Variants in HOMER2 observed in about 807,000 individuals in gnomAD.
HOMER2 encodes homer scaffold protein 2, also known as homer protein homolog 2.
Under a neutral mutation model 47.0 loss-of-function variants are expected in HOMER2, and 27 were observed. That is an observed-to-expected ratio of 0.57 (90% CI 0.42 to 0.79). The LOEUF (loss-of-function observed/expected upper bound fraction) is 0.79, where lower values mean the gene tolerates loss of function less well. HOMER2 is among the 30% of genes least tolerant of loss of function. HOMER2 has a pLI of 0.00. For missense variants in HOMER2, 443 were observed against 435.0 expected, an observed-to-expected ratio of 1.02 and a Z score of -0.16; for synonymous variants, 161 against 163.8, an observed-to-expected ratio of 0.98 and a Z score of 0.13.
At chr15:82,933,268 C>T (rs1264583549) in intron 1 of HOMER2, among the ~76,000 whole-genome samples, 1 of 152,142 alleles carries the variant, frequency 6.6e-6, no homozygotes, top group African/African-American at 2.4e-5. Flanking sequence ...GCTCTGTCAT[C>T]CAGGATGGAG....
chr15:82,860,956 T>TGTGAGAGAGAGAGAGAGAGAGAGAGAGA (rs1555420264), intron 4 of HOMER2, among the ~76,000 whole-genome samples: 7 of 42,382 alleles, frequency 1.7e-4, no homozygotes, highest in African/African-American at 5.8e-4. Context: ...AGATAGAAGA[T>TGTGAGAGAGAGAGAGAGAGAGAGAGAGA]GAGAGAGAGA....
chr15:82,965,870 G>A (rs2054670108), intron 1 of HOMER2, among the ~76,000 whole-genome samples: 2 of 151,998 alleles, frequency 1.3e-5, no homozygotes, highest in African/African-American at 2.4e-5. Flanking sequence ...CGAGATGGGA[G>A]GATCGCTTGA....
intron 2 of HOMER2, among the ~76,000 whole-genome samples, chr15:82,891,134 A>T (rs1286062584): frequency 6.6e-6 from 1 of 152,158 alleles, no homozygotes; most frequent in Non-Finnish European, 1.5e-5. Context: ...GAGGGAGATA[A>T]CACACTACCC....
chr15:82,923,021 C>A (rs1477568131), intron 1 of HOMER2, among the ~76,000 whole-genome samples: 1 of 152,180 alleles, frequency 6.6e-6, no homozygotes, highest in African/African-American at 2.4e-5. Flanking sequence ...CAACACCAGA[C>A]TGGGTTCTCT....
At chr15:82,867,472 A>C (rs937148803) in intron 3 of HOMER2, among the ~76,000 whole-genome samples, 1 of 152,216 alleles carries the variant, frequency 6.6e-6, no homozygotes, top group African/African-American at 2.4e-5. Context: ...GTATGGCAAG[A>C]GTTTGTACAA....
intron 1 of HOMER2, among the ~76,000 whole-genome samples, chr15:82,921,493 G>A (rs181082869): frequency 2.6e-5 from 4 of 152,268 alleles, no homozygotes; most frequent in African/African-American, 9.6e-5. Context: ...TACCCTGGAT[G>A]CACGCCAGAC....
At chr15:82,890,950 A>T (rs1391905992) in intron 2 of HOMER2, among the ~76,000 whole-genome samples, 1 of 152,168 alleles carries the variant, frequency 6.6e-6, no homozygotes, top group Admixed American at 6.5e-5. Flanking sequence ...GGAAAAAAAT[A>T]AAGGCACCTT....
upstream of HOMER2, chr15:82,985,959 C>G (rs1033929131): frequency 1.8e-6 from 1 of 566,250 alleles, no homozygotes; most frequent in East Asian, 1.5e-4. Flanking sequence ...CGTCTCTACC[C>G]GTCACCTGCT....
At chr15:82,983,445 A>C (rs2030464835) in intron 1 of HOMER2, among the ~76,000 whole-genome samples, 1 of 152,176 alleles carries the variant, frequency 6.6e-6, no homozygotes, top group Admixed American at 6.5e-5. Flanking sequence ...TTTCTCTTGA[A>C]TATTTCACCA....
At chr15:82,839,645 TAAC>T (rs2051156712) in exon 2 of HOMER2, 1 of 151,868 alleles carries the variant, frequency 6.6e-6, no homozygotes, top group Non-Finnish European at 1.5e-5. Context: ...ATTTGCCAAA[TAAC>T]ATCAAAAAGA....
rs147218983 is a variant in HOMER2, at chr15:82,852,487, C to CAG, written c.652-237_652-236dup. 8.3e-3 allele frequency: 3,610 copies of CAG among 436,114 alleles called. 18 individuals are homozygous for CAG. Among genetic ancestry groups the CAG allele is most frequent in the Non-Finnish European group, 0.011 (2,739 of 248,210 alleles). 27.0% of individuals were successfully genotyped at this position (436,114 alleles called of 1,614,324 possible). A position where few individuals can be genotyped will look rare whatever the true frequency, so the allele number is the denominator to read the frequency against. Reference sequence around the variant, plus strand: ...TGCCTTACCAGAGGCATCTTACCAGCAGAGCCAAATAAGTAATAAAGCCTG... The same window carrying CAG: ...TGCCTTACCAGAGGCATCTTACCAGCAGAGAGCCAAATAAGTAATAAAGCCTG... On this transcript the variant is annotated intron_variant, in intron 6 of 8. Coordinates refer to ENST00000450735, the MANE Select transcript of HOMER2 (RefSeq NM_004839.4).
intron 1 of HOMER2, among the ~76,000 whole-genome samples, chr15:82,919,390 G>A (rs1294029460): frequency 6.6e-6 from 1 of 152,218 alleles, no homozygotes; most frequent in Admixed American, 6.5e-5. Flanking sequence ...AGCACAAACA[G>A]CTCAGCCCAG....
At chr15:82,852,423 C>T in intron 6 of HOMER2, 171 bp from the exon 7 acceptor site, 2 of 569,358 alleles carry the variant, frequency 3.5e-6, no homozygotes, top group South Asian at 2.3e-5. Context: ...CATCATGGGG[C>T]TGCCTGCACC....
intron 1 of HOMER2, among the ~76,000 whole-genome samples, chr15:82,927,425 C>T (rs1363172017): frequency 1.3e-5 from 2 of 152,146 alleles, no homozygotes; most frequent in South Asian, 2.1e-4. Context: ...GTAATAATTA[C>T]TCACCTCTTA....
chr15:82,945,914 G>A (rs1247799204), intron 1 of HOMER2, among the ~76,000 whole-genome samples: 1 of 151,848 alleles, frequency 6.6e-6, no homozygotes, highest in Admixed American at 6.6e-5. Flanking sequence ...AGGTTGCAGT[G>A]AGCCGAAATC....
chr15:82,898,799 TATA>T (rs1268407892), intron 1 of HOMER2, among the ~76,000 whole-genome samples: 2 of 152,250 alleles, frequency 1.3e-5, no homozygotes, highest in Non-Finnish European at 2.9e-5. Flanking sequence ...TGTTTTAACT[TATA>T]ATTCTTCACT....
chr15:82,860,374 G>GT (rs2151625288), intron 4 of HOMER2, among the ~76,000 whole-genome samples: 1 of 152,026 alleles, frequency 6.6e-6, no homozygotes, highest in South Asian at 2.1e-4. Flanking sequence ...ATATGGTGGG[G>GT]GGGAGCAAAT....
At chr15:82,895,744 T>C (rs2052889179) in intron 1 of HOMER2, among the ~76,000 whole-genome samples, 2 of 152,160 alleles carry the variant, frequency 1.3e-5, no homozygotes, top group South Asian at 2.1e-4. Context: ...AAAAGAGGGA[T>C]TGGGTCTCGG....
At chr15:82,968,486 GA>G (rs1429679203) in intron 1 of HOMER2, among the ~76,000 whole-genome samples, 1 of 152,206 alleles carries the variant, frequency 6.6e-6, no homozygotes, top group Non-Finnish European at 1.5e-5. Context: ...GGTCTGCAGT[GA>G]AAAGTCTCCG....
Sources: allele counts gnomAD v4.1 joint callset (sites outside exome capture counted in the v4.1 genomes callset), GRCh38; gene constraint gnomAD v4.1.1; transcripts MANE v1.5; gene names NCBI Gene and HGNC (gene_info 2026-07-23, HGNC 2026-07-21).